Variants in GOLGA3 observed in about 807,000 individuals in gnomAD.
GOLGA3 encodes golgin subfamily A member 3.
Under a neutral mutation model 169.4 loss-of-function variants are expected in GOLGA3, and 75 were observed. The ratio of observed to expected loss-of-function variants is 0.44; its 90% CI spans 0.37 to 0.54. GOLGA3 has a LOEUF of 0.54. GOLGA3 is among the 20% of genes least tolerant of loss of function. GOLGA3 has a pLI of 0.00. For synonymous variants in GOLGA3, 824 were observed against 822.4 expected (o/e 1.00, Z -0.03); for missense variants, 1,899 against 1,930.0 (o/e 0.98, Z 0.30).
chr12:132,825,635 C>T lies in GOLGA3; in HGVS notation c.-184+3168G>A, dbSNP rs929620478. 5 of 725,252 alleles carry T rather than the reference C, an allele frequency of 6.9e-6. No individual in the cohort carries two copies. The Admixed American group carries it at 1.1e-4, about 16-fold the overall frequency. 44.9% of individuals were successfully genotyped at this position (725,252 alleles called of 1,614,324 possible). ...GTCCAGCTGAAACATCTGTGAGCTT[C>T]AGTTCCAATGAGGGAGTCCAGGGAG... On this transcript the variant is annotated intron_variant, in intron 1 of 23. Coordinates refer to ENST00000450791, the MANE Select transcript of GOLGA3 (RefSeq NM_001389683.1).
In GOLGA3 at chr12:132,795,857, C is replaced by T. The variant is rs1374830853; in HGVS notation, c.2464G>A (p.Gly822Ser). 4 of 1,610,994 alleles carry T rather than the reference C, an allele frequency of 2.5e-6. No individual in the cohort carries two copies. Among genetic ancestry groups the T allele is most frequent in the Non-Finnish European group, 3.4e-6 (4 of 1,177,484 alleles). Residue 822 changes from glycine to serine, a missense_variant, in exon 11 of 24, where the codon GGC (glycine) becomes AGC (serine). Transcript: ENST00000450791. Reference sequence around the variant, plus strand: ...AACACAGCAGAATGCATTACCTGGCCGGATTTGATAGCTAATTCTTCTCTT... The same window carrying T: ...AACACAGCAGAATGCATTACCTGGCTGGATTTGATAGCTAATTCTTCTCTT... ...KLREELAIKS[G>S]QVEHLQQETA...
intron 9 of GOLGA3, among the ~76,000 whole-genome samples, chr12:132,797,634 C>T (rs1162912820): frequency 2.0e-5 from 3 of 152,044 alleles, no homozygotes; most frequent in Non-Finnish European, 4.4e-5. Flanking sequence ...ATTGCTTGAA[C>T]TTGGTAGGCA....
At position 132,796,694 on chromosome 12, in the gene GOLGA3, T is replaced by A. The variant is rs142737565; in HGVS notation, c.1945A>T (p.Met649Leu). The change falls in exon 10 of 24, where the codon ATG becomes TTG. Residue 649 changes from methionine (M) to leucine (L), a missense_variant. Physicochemically the swap from Met to Leu is conservative, Grantham distance 15 (BLOSUM62 2). Transcript: ENST00000450791. ...AAQLQGIEAD[M>L]LDQEAAFMQI... The stretch of plus-strand genomic sequence containing the variant: ...ATGAAGGCTGCTTCCTGATCCAACA[T>A]GTCAGCCTGAGCCCAGGAAACTTGT... 7 of 1,613,632 alleles carry A rather than the reference T, an allele frequency of 4.3e-6. No individual in the cohort carries two copies. Among genetic ancestry groups the A allele is most frequent in the Non-Finnish European group, 5.9e-6 (7 of 1,179,880 alleles).
chr12:132,780,663 C>T (rs556495367), intron 18 of GOLGA3, 135 bp downstream of exon 18: 258 of 678,772 alleles, frequency 3.8e-4, no homozygotes, highest in East Asian at 9.4e-4. Context: ...CTGCGGCCTC[C>T]GTCACCAACA....
chr12:132,778,745 A>C (rs1201116433), intron 18 of GOLGA3, among the ~76,000 whole-genome samples: 14 of 151,736 alleles, frequency 9.2e-5, no homozygotes, highest in Admixed American at 7.2e-4. Context: ...AATACAAAAA[A>C]TTAGCCAGGC....
At chr12:132,811,231 T>C (rs1190474308) in intron 4 of GOLGA3, among the ~76,000 whole-genome samples, 1 of 49,698 alleles carries the variant, frequency 2.0e-5, no homozygotes, top group Non-Finnish European at 6.3e-5. Flanking sequence ...TTTTATCTCT[T>C]TGTCTTGTGT....
intron 8 of GOLGA3, among the ~76,000 whole-genome samples, chr12:132,798,724 T>A (rs1269143247): frequency 6.6e-6 from 1 of 152,208 alleles, no homozygotes; most frequent in Non-Finnish European, 1.5e-5. Context: ...CTCATCAGAC[T>A]GCGGTTTGTA....
In GOLGA3 at chr12:132,782,333, G is replaced by A; in HGVS notation, c.3428C>T (p.Ala1143Val). 1 of 1,614,188 alleles carries A rather than the reference G, an allele frequency of 6.2e-7. No individual in the cohort carries two copies. Among genetic ancestry groups the A allele is most frequent in the South Asian group, 1.1e-5 (1 of 91,068 alleles). ...EHNSILETAL[A>V]KREADLVQLN... Reference sequence around the variant, plus strand: ...CTGGACTAGGTCTGCCTCCCTCTTGGCCAAAGCTGTTTCTAGGATGCTGTT... The same window carrying A: ...CTGGACTAGGTCTGCCTCCCTCTTGACCAAAGCTGTTTCTAGGATGCTGTT... Residue 1143 changes from alanine (A) to valine (V), a missense_variant, in exon 17 of 24, where the codon GCC (alanine) becomes GTC (valine). Ala to Val is a moderately conservative substitution (Grantham distance 64, BLOSUM62 0). Coordinates refer to ENST00000450791, the MANE Select transcript of GOLGA3 (RefSeq NM_001389683.1).
Position 132,789,262 on chromosome 12 carries a change from G to A in GOLGA3, c.2576C>T (p.Ala859Val), listed in dbSNP as rs1398868009. The A allele has an allele frequency of 1.9e-6, 3 of 1,602,274 alleles. No homozygotes were observed. The highest frequency in any genetic ancestry group is 1.7e-5 in the Admixed American group (1 of 59,896). Residue 859 changes from alanine (A) to valine (V), a missense_variant, in exon 13 of 24, where the codon GCC (alanine) becomes GTC (valine). Ala to Val is a moderately conservative substitution (Grantham distance 64). Transcript: ENST00000450791. ...KVMVEAYRRD[A>V]TSKDQLISEL... ...ACTGATGAGCTGGTCTTTGGAGGTGGCGTCGCGCCGGTAGGCCTCCACCAT... is the reference window on the plus strand; with the variant it reads ...ACTGATGAGCTGGTCTTTGGAGGTGACGTCGCGCCGGTAGGCCTCCACCAT...
intron 2 of GOLGA3, among the ~76,000 whole-genome samples, chr12:132,817,037 G>T (rs1035317368): frequency 6.6e-6 from 1 of 151,942 alleles, no homozygotes; most frequent in Non-Finnish European, 1.5e-5. Context: ...CGTCCTTCCT[G>T]TAAGGTGAAC....
intron 1 of GOLGA3, 23 bp from the exon 2 acceptor site, chr12:132,822,334 T>C: frequency 8.0e-7 from 1 of 1,252,412 alleles, no homozygotes; most frequent in African/African-American, 1.6e-5. Flanking sequence ...AGAGACAAAA[T>C]GTATTATGAA....
rs555328399 is a variant in GOLGA3, at chr12:132,797,794, T to G, written c.1938+546A>C. On this transcript the variant is annotated intron_variant, in intron 9 of 23. Coordinates refer to ENST00000450791, the MANE Select transcript of GOLGA3 (RefSeq NM_001389683.1). Reference sequence around the variant, plus strand: ...AAAGGAGAACAGCTATCAAGGCTGCTGCATTTCTGTCCTCTGGAGATGGCT... The same window carrying G: ...AAAGGAGAACAGCTATCAAGGCTGCGGCATTTCTGTCCTCTGGAGATGGCT... Among the ~76,000 whole-genome samples the G allele has an allele frequency of 2.0e-5, 3 of 152,182 alleles. No homozygotes were observed. The South Asian group carries it at 6.2e-4, about 32-fold the overall frequency.
At position 132,789,258 on chromosome 12, in the gene GOLGA3, G is replaced by A; in HGVS notation, c.2580C>T (p.Thr860=). The A allele has an allele frequency of 1.2e-6, 2 of 1,604,020 alleles. No individual in the cohort carries two copies. Among genetic ancestry groups the A allele is most frequent in the South Asian group, 1.1e-5 (1 of 90,958 alleles). Residue 860 remains threonine (T), a synonymous_variant, in exon 13 of 24, where the codon ACC becomes ACT. Coordinates refer to ENST00000450791, the MANE Select transcript of GOLGA3 (RefSeq NM_001389683.1). ...VMVEAYRRDA[T]SKDQLISELK... The stretch of plus-strand genomic sequence containing the variant: ...GCTCACTGATGAGCTGGTCTTTGGA[G>A]GTGGCGTCGCGCCGGTAGGCCTCCA...
intron 9 of GOLGA3, among the ~76,000 whole-genome samples, chr12:132,797,998 C>T (rs1034972764): frequency 1.3e-5 from 2 of 152,248 alleles, no homozygotes; most frequent in African/African-American, 4.8e-5. Flanking sequence ...CCATCCCTGA[C>T]TGGCAATGAC....
In GOLGA3 at chr12:132,777,396, A is replaced by AGCCCCGCGCCGGG. The variant is rs2045305956; in HGVS notation, c.3722+257_3722+269dup. On this transcript the variant is annotated intron_variant, in intron 19 of 23. Coordinates refer to ENST00000450791, the MANE Select transcript of GOLGA3 (RefSeq NM_001389683.1). This position sits in a 1 kb window ranked among gnomAD's most constrained non-coding sequence, Gnocchi z 4.7. ...ATGGGACCCACAGAGCCACAGCATCAGCCCCGCGCCGGGCCGCCCCTTCCC... is the reference window on the plus strand; with the variant it reads ...ATGGGACCCACAGAGCCACAGCATCAGCCCCGCGCCGGGGCCCCGCGCCGGGCCGCCCCTTCCC... 6.6e-6 allele frequency among the ~76,000 whole-genome samples: 1 copy of AGCCCCGCGCCGGG among 151,834 alleles called. No individual in the cohort carries two copies. Among genetic ancestry groups the AGCCCCGCGCCGGG allele is most frequent in the Non-Finnish European group, 1.5e-5 (1 of 67,908 alleles).
Position 132,827,361 on chromosome 12 carries a change from C to T in GOLGA3, c.-184+1442G>A, listed in dbSNP as rs554960555. On this transcript the variant is annotated intron_variant, in intron 1 of 23. Coordinates refer to ENST00000450791, the MANE Select transcript of GOLGA3 (RefSeq NM_001389683.1). ...AGGGCAGGCTTGGAAGTCAGGACTCCGGCCTCAGCTCCCGACCCTCCACCA... is the reference window on the plus strand; with the variant it reads ...AGGGCAGGCTTGGAAGTCAGGACTCTGGCCTCAGCTCCCGACCCTCCACCA... 3.3e-5 allele frequency among the ~76,000 whole-genome samples: 5 copies of T among 152,306 alleles called. No individual in the cohort carries two copies. The South Asian group carries it at 6.2e-4, about 19-fold the overall frequency.
chr12:132,787,038 C>T (rs1487745062), intron 13 of GOLGA3, among the ~76,000 whole-genome samples: 14 of 152,140 alleles, frequency 9.2e-5, no homozygotes, highest in African/African-American at 1.9e-4. Context: ...ACTGCAACCT[C>T]CGCCTCCCAG....
At chr12:132,812,267 C>G (rs1444889727) in intron 4 of GOLGA3, among the ~76,000 whole-genome samples, 1 of 151,632 alleles carries the variant, frequency 6.6e-6, no homozygotes, top group Non-Finnish European at 1.5e-5. Context: ...GCCAGATCAC[C>G]TAAGAGCTCT....
intron 22 of GOLGA3, 185 bp from the exon 23 acceptor site, chr12:132,774,505 G>T (rs1342871471): frequency 3.2e-6 from 2 of 631,060 alleles, no homozygotes; most frequent in African/African-American, 3.7e-5. Context: ...GCTGGCTGAG[G>T]AAACACCTTT....
Sources: gnomAD v4.1 joint callset for allele counts (sites outside exome capture counted in the v4.1 genomes callset) on GRCh38, gnomAD v4.1.1 for gene constraint, Gnocchi (gnomAD v3.1) non-coding constraint, MANE v1.5 for transcripts, NCBI Gene and HGNC (gene_info 2026-07-23, HGNC 2026-07-21) for gene names.